Variants in SH3GL3 observed in about 807,000 individuals in gnomAD.
The protein encoded by SH3GL3 is SH3 domain containing GRB2 like 3, endophilin A3, also known as endophilin-A3.
A neutral mutation model predicts 47.7 loss-of-function variants in SH3GL3; 33 were observed. That is an observed-to-expected ratio of 0.69 (90% confidence interval 0.52 to 0.92). SH3GL3 has a LOEUF of 0.92. Among genes scored for constraint, SH3GL3 ranks in the 40% least tolerant of loss-of-function variants. The probability of loss-of-function intolerance (pLI) is 0.00; values close to 1 mark genes in which losing one functional copy is unlikely to be tolerated. For synonymous variants in SH3GL3, 155 were observed against 148.8 expected, an observed-to-expected ratio of 1.04 and a Z score of -0.30; for missense variants, 363 against 417.8, an observed-to-expected ratio of 0.87 and a Z score of 1.14.
At chr15:83,526,685 G>A (rs1252583408) in intron 1 of SH3GL3, among the ~76,000 whole-genome samples, 1 of 152,098 alleles carries the variant, frequency 6.6e-6, no homozygotes, top group African/African-American at 2.4e-5. Context: ...TTGAAGGAAG[G>A]AGAGGATCAG....
chr15:83,542,745 T>C (rs1255916605), intron 1 of SH3GL3, among the ~76,000 whole-genome samples: 1 of 152,160 alleles, frequency 6.6e-6, no homozygotes, highest in African/African-American at 2.4e-5. Context: ...GTGTTTACTT[T>C]ATTGATTTCT....
chr15:83,458,469 T>G (rs1264509506), intron 1 of SH3GL3, among the ~76,000 whole-genome samples: 1 of 152,200 alleles, frequency 6.6e-6, no homozygotes, highest in Non-Finnish European at 1.5e-5. Flanking sequence ...CCTCAGACAG[T>G]AATGCTACTA....
intron 8 of SH3GL3, among the ~76,000 whole-genome samples, chr15:83,595,339 T>C (rs1055946822): frequency 1.3e-5 from 2 of 152,054 alleles, no homozygotes; most frequent in Non-Finnish European, 2.9e-5. Context: ...TAATAGCCAG[T>C]GGGGCCTGCT....
intron 5 of SH3GL3, among the ~76,000 whole-genome samples, chr15:83,575,943 G>A (rs143661637): frequency 1.3e-5 from 2 of 152,198 alleles, no homozygotes; most frequent in Non-Finnish European, 2.9e-5. Flanking sequence ...CTACTGCTAC[G>A]CAAGGCAGCC....
intron 1 of SH3GL3, among the ~76,000 whole-genome samples, chr15:83,485,767 G>A (rs1170285396): frequency 1.3e-5 from 2 of 152,146 alleles, no homozygotes; most frequent in African/African-American, 4.8e-5. Context: ...AGAGTGCTGA[G>A]ATTACAGGCA....
chr15:83,565,046 A>T, intron 2 of SH3GL3, 88 bp from the exon 3 acceptor site: 1 of 594,466 alleles, frequency 1.7e-6, no homozygotes, highest in Non-Finnish European at 2.9e-6. Context: ...TAGAAGAATT[A>T]AATTAATGAA....
At chr15:83,525,754 C>T (rs927242755) in intron 1 of SH3GL3, among the ~76,000 whole-genome samples, 5 of 152,060 alleles carry the variant, frequency 3.3e-5, no homozygotes, top group East Asian at 1.9e-4. Flanking sequence ...CCGAGTTTTC[C>T]GAGCATCATT....
chr15:83,535,027 A>C (rs1289107506), intron 1 of SH3GL3, among the ~76,000 whole-genome samples: 1 of 152,214 alleles, frequency 6.6e-6, no homozygotes, highest in Non-Finnish European at 1.5e-5. Flanking sequence ...AATGAAGTCA[A>C]AGTTTTAATA....
chr15:83,559,161 C>A (rs2045117728), intron 1 of SH3GL3, 92 bp from the exon 2 acceptor site: 2 of 757,050 alleles, frequency 2.6e-6, no homozygotes, highest in African/African-American at 3.6e-5. Context: ...AAGTTGAATC[C>A]AAGTTTTTTT....
the SH3GL3 span, among the ~76,000 whole-genome samples, chr15:83,626,754 G>A: frequency 6.6e-6 from 1 of 152,128 alleles, no homozygotes; most frequent in Non-Finnish European, 1.5e-5. Flanking sequence ...ATTAGCATGT[G>A]GCACTTGTCT....
At position 83,576,573 on chromosome 15, in the gene SH3GL3, C is replaced by CT. The variant is rs760009454; in HGVS notation, c.466-3dup. On this transcript the variant is annotated splice_polypyrimidine_tract_variant and intron_variant, in intron 5 of 8. Transcript: ENST00000427482. ...GCACCTCTCTGAGGGACTCCATTCTCTTTTTTTAGCATCACCTGAAAAAGC... is the reference window on the plus strand; with the variant it reads ...GCACCTCTCTGAGGGACTCCATTCTCTTTTTTTTAGCATCACCTGAAAAAGC... 2 of 1,595,980 alleles carry CT rather than the reference C, an allele frequency of 1.3e-6. No individual in the cohort carries two copies. The highest frequency in any genetic ancestry group is 1.7e-6 in the Non-Finnish European group (2 of 1,174,560).
intron 3 of SH3GL3, among the ~76,000 whole-genome samples, chr15:83,567,244 G>A (rs936464375): frequency 3.3e-5 from 5 of 152,076 alleles, no homozygotes; most frequent in African/African-American, 1.2e-4. Context: ...TCTTCTACAC[G>A]TTACTGACAC....
chr15:83,592,454 C>G (rs2060133066), intron 8 of SH3GL3, among the ~76,000 whole-genome samples: 1 of 152,168 alleles, frequency 6.6e-6, no homozygotes, highest in Admixed American at 6.5e-5. Flanking sequence ...GTTCTCCAGT[C>G]ACTTGAATGT....
chr15:83,609,262 T>C lies in SH3GL3; in HGVS notation c.839-8820T>C, dbSNP rs181366976. ...TAATGTTACATAATCGGTTATCTGA[T>C]TTCCCAGCCTACAGCAGACTGGAAC... On this transcript the variant is annotated intron_variant, in intron 8 of 8. Coordinates refer to ENST00000427482, the MANE Select transcript of SH3GL3 (RefSeq NM_003027.5). 1,372 of 456,040 alleles carry C rather than the reference T, an allele frequency of 3.0e-3. 21 individuals are homozygous for C. Among genetic ancestry groups the C allele is most frequent in the Admixed American group, 0.023 (990 of 42,576 alleles). The allele number at this position is 456,040 out of a possible 1,614,324, so 28.2% of individuals were successfully genotyped here. A position where few individuals can be genotyped will look rare whatever the true frequency, so the allele number is the denominator to read the frequency against.
intron 1 of SH3GL3, among the ~76,000 whole-genome samples, chr15:83,496,999 T>C (rs547131256): frequency 6.6e-6 from 1 of 152,232 alleles, no homozygotes; most frequent in African/African-American, 2.4e-5. Context: ...AACCCCTCCC[T>C]CCACTATCTT....
At chr15:83,624,866 T>C in the SH3GL3 span, among the ~76,000 whole-genome samples, 1 of 152,122 alleles carries the variant, frequency 6.6e-6, no homozygotes, top group Non-Finnish European at 1.5e-5. Flanking sequence ...CTGGGAACCT[T>C]TGGACTTGGA....
At chr15:83,492,844 G>A (rs2041932025) in intron 1 of SH3GL3, among the ~76,000 whole-genome samples, 1 of 152,210 alleles carries the variant, frequency 6.6e-6, no homozygotes, top group Non-Finnish European at 1.5e-5. Flanking sequence ...TCCTCCCACT[G>A]TCTCACTTTC....
chr15:83,449,759 T>C (rs2039646019), intron 1 of SH3GL3, among the ~76,000 whole-genome samples: 1 of 151,934 alleles, frequency 6.6e-6, no homozygotes, highest in African/African-American at 2.4e-5. Context: ...TTTATGACTT[T>C]ACCTGAAAGG....
intron 2 of SH3GL3, among the ~76,000 whole-genome samples, chr15:83,564,348 GT>G (rs1369345949): frequency 2.6e-5 from 4 of 152,240 alleles, no homozygotes; most frequent in African/African-American, 9.6e-5. Context: ...TAAGAATGTG[GT>G]TTTTCAAATA....
Sources: allele counts gnomAD v4.1 joint callset (sites outside exome capture counted in the v4.1 genomes callset), GRCh38; gene constraint gnomAD v4.1.1; transcripts MANE v1.5; gene names NCBI Gene and HGNC (gene_info 2026-07-23, HGNC 2026-07-21).